The following RBFOX1 variants were observed in gnomAD, a reference collection of about 807,000 sequenced individuals.
RBFOX1 encodes the protein RNA binding protein fox-1 homolog 1.
A neutral mutation model predicts 57.7 loss-of-function variants in RBFOX1; 8 were observed. That is an observed-to-expected ratio of 0.14 (90% CI 0.08 to 0.25). The LOEUF (loss-of-function observed/expected upper bound fraction) is 0.25, where lower values mean the gene tolerates loss of function less well. Ranked by LOEUF, RBFOX1 falls within the 10% of genes least tolerant of loss-of-function variation. The pLI, the probability that RBFOX1 is intolerant of heterozygous loss-of-function variation, is 1.00. For synonymous variants in RBFOX1, 326 were observed against 222.4 expected (o/e 1.47, Z -4.15); for missense variants, 611 against 548.5 (o/e 1.11, Z -1.14).
intron 1 of RBFOX1, among the ~76,000 whole-genome samples, chr16:6,161,488 C>G (rs1401604087): frequency 1.3e-5 from 2 of 151,990 alleles, no homozygotes; most frequent in Non-Finnish European, 2.9e-5. Context: ...ATAGCCCACA[C>G]AAGGGAAGCA....
At chr16:6,670,762 C>G (rs1269799290) in intron 3 of RBFOX1, among the ~76,000 whole-genome samples, 2 of 152,194 alleles carry the variant, frequency 1.3e-5, no homozygotes, top group Non-Finnish European at 2.9e-5. Context: ...CTCTGGGAGG[C>G]CGAGCTGGGT....
chr16:6,890,853 C>G (rs2065246540), intron 3 of RBFOX1, among the ~76,000 whole-genome samples: 1 of 152,144 alleles, frequency 6.6e-6, no homozygotes, highest in South Asian at 2.1e-4. Flanking sequence ...ACTTAGCAGA[C>G]TCAGTAGAAC....
At chr16:5,384,990 C>T (rs1029086855) in intron 1 of RBFOX1, among the ~76,000 whole-genome samples, 4 of 152,160 alleles carry the variant, frequency 2.6e-5, no homozygotes, top group Non-Finnish European at 5.9e-5. Context: ...TGCAATCTTT[C>T]CCCCTCAGTG....
intron 2 of RBFOX1, among the ~76,000 whole-genome samples, chr16:6,428,329 C>T (rs1963304552): frequency 6.7e-6 from 1 of 149,938 alleles, no homozygotes; most frequent in Admixed American, 6.7e-5. Flanking sequence ...GCCTAGTTAG[C>T]ATTCCATACA....
intron 1 of RBFOX1, among the ~76,000 whole-genome samples, chr16:6,082,415 G>C (rs2096017133): frequency 8.5e-6 from 1 of 117,944 alleles, no homozygotes; most frequent in South Asian, 2.9e-4. Context: ...GGCTGATCTT[G>C]AACTCCTGAC....
intron 1 of RBFOX1, among the ~76,000 whole-genome samples, chr16:5,272,533 C>T (rs564615331): frequency 1.3e-5 from 2 of 152,324 alleles, no homozygotes; most frequent in East Asian, 3.9e-4. Flanking sequence ...ATCGTCCCAT[C>T]CTCCAGGGCC....
intron 3 of RBFOX1, among the ~76,000 whole-genome samples, chr16:6,732,347 G>A (rs2068840861): frequency 6.6e-6 from 1 of 152,196 alleles, no homozygotes; most frequent in Non-Finnish European, 1.5e-5. Context: ...GAGAGAGTGA[G>A]TCTCTGACAG....
Position 5,337,363 on chromosome 16 carries a change from CA to C in RBFOX1, c.219+97261del, listed in dbSNP as rs2064923854. On this transcript the variant is annotated intron_variant, in intron 1 of 2. Coordinates refer to the RBFOX1 transcript ENST00000585867. ...GGTGGGTATTGGTGAGTGCATGGGT[CA>C]AATATAACCAGTTCCTTCTGATTTC... 2.6e-5 allele frequency among the ~76,000 whole-genome samples: 4 copies of C among 152,268 alleles called. No individual in the cohort carries two copies. In the South Asian group the frequency reaches 8.3e-4, roughly 32 times the overall value.
chr16:6,581,545 G>C (rs1274586588), intron 2 of RBFOX1, among the ~76,000 whole-genome samples: 2 of 152,188 alleles, frequency 1.3e-5, no homozygotes, highest in South Asian at 4.1e-4. Flanking sequence ...GTAGGTGAGT[G>C]CCAACAGGGG....
chr16:6,125,012 C>A (rs1198647628), intron 1 of RBFOX1, among the ~76,000 whole-genome samples: 1 of 152,084 alleles, frequency 6.6e-6, no homozygotes, highest in Non-Finnish European at 1.5e-5. Context: ...AGCCTCCAAC[C>A]CAGAGACTCC....
intron 3 of RBFOX1, among the ~76,000 whole-genome samples, chr16:5,784,460 A>T (rs536317131): frequency 6.6e-6 from 1 of 152,158 alleles, no homozygotes; most frequent in African/African-American, 2.4e-5. Flanking sequence ...GGCACATCTT[A>T]CATGGCCAGA....
intron 3 of RBFOX1, among the ~76,000 whole-genome samples, chr16:6,746,792 A>G (rs1648933321): frequency 1.3e-5 from 2 of 152,190 alleles, no homozygotes; most frequent in African/African-American, 4.8e-5. Flanking sequence ...TTATATATTT[A>G]TAAGCCAAAG....
chr16:5,393,047 G>C (rs539823), intron 1 of RBFOX1, among the ~76,000 whole-genome samples: 2 of 152,072 alleles, frequency 1.3e-5, no homozygotes, highest in Non-Finnish European at 2.9e-5. Context: ...AAAGACCTCC[G>C]AGCATGGGAA....
chr16:7,235,184 T>C (rs2093706789), intron 4 of RBFOX1, among the ~76,000 whole-genome samples: 1 of 152,194 alleles, frequency 6.6e-6, no homozygotes, highest in Non-Finnish European at 1.5e-5. Flanking sequence ...ATTTTTAAAG[T>C]GCTTTAAAAT....
intron 3 of RBFOX1, among the ~76,000 whole-genome samples, chr16:6,735,159 ACAACAACAT>A (rs2069805626): frequency 2.2e-5 from 3 of 137,406 alleles, no homozygotes; most frequent in African/African-American, 6.3e-5. Flanking sequence ...AACAAAAACA[ACAACAACAT>A]CAACAACAAC....
intron 1 of RBFOX1, among the ~76,000 whole-genome samples, chr16:6,077,297 G>A (rs533024813): frequency 1.4e-3 from 212 of 146,906 alleles, no homozygotes; most frequent in Non-Finnish European, 2.7e-3. Context: ...GCTCACATAT[G>A]GAGCATTTCT....
chr16:7,655,699 C>CACTT lies in RBFOX1; in HGVS notation c.890+1754_890+1757dup, dbSNP rs2066136684. ...TTTGTATGCTATAAATCCAAAATTGCACTTATACCACATTCGTTTGAAAAT... is the reference window on the plus strand; with the variant it reads ...TTTGTATGCTATAAATCCAAAATTGCACTTACTTATACCACATTCGTTTGAAAAT... On this transcript the variant is annotated intron_variant, in intron 12 of 15. Transcript: ENST00000550418. Among the ~76,000 whole-genome samples, 4 of 151,934 alleles carry CACTT rather than the reference C, an allele frequency of 2.6e-5. No homozygotes were observed. In the South Asian group the frequency reaches 8.3e-4, roughly 31 times the overall value.
chr16:7,010,285 T>G (rs921154046), intron 3 of RBFOX1, among the ~76,000 whole-genome samples: 2 of 152,224 alleles, frequency 1.3e-5, no homozygotes, highest in Non-Finnish European at 2.9e-5. Context: ...AAAACTGCTT[T>G]TCATGAACAT....
chr16:7,596,585 C>CAT lies in RBFOX1; in HGVS notation c.562-774_562-773dup, dbSNP rs374312521. On this transcript the variant is annotated intron_variant, in intron 8 of 15. Coordinates refer to ENST00000550418, the MANE Select transcript of RBFOX1 (RefSeq NM_018723.4). ...TATTTAGTGCTGATATATCTATATA[C>CAT]ATATATATATATACCACGTGAATTT... Among the ~76,000 whole-genome samples, 989 of 151,242 alleles carry CAT rather than the reference C, an allele frequency of 6.5e-3. 10 individuals carry two copies. The highest frequency in any genetic ancestry group is 0.021 in the African/African-American group (873 of 41,270).
Sources: gnomAD v4.1 joint callset for allele counts (sites outside exome capture counted in the v4.1 genomes callset) on GRCh38, gnomAD v4.1.1 for gene constraint, MANE v1.5 for transcripts, NCBI Gene and HGNC (gene_info 2026-07-23, HGNC 2026-07-21) for gene names.